DIS3L2: variants seen among roughly 807,000 people sequenced by gnomAD.
DIS3L2 encodes DIS3 like 3'-5' exoribonuclease 2, also known as DIS3-like exonuclease 2.
DIS3L2 carries 34 observed loss-of-function variants against 97.5 expected under a neutral mutation model. The ratio of observed to expected loss-of-function variants is 0.35; its 90% CI spans 0.27 to 0.46. The LOEUF (loss-of-function observed/expected upper bound fraction) is 0.46. Among genes scored for constraint, DIS3L2 ranks in the 20% least tolerant of loss-of-function variants. The pLI is 1.00. For synonymous variants in DIS3L2, 435 were observed against 445.2 expected, an observed-to-expected ratio of 0.98 and a Z score of 0.29; for missense variants, 1,038 against 1,146.0, an observed-to-expected ratio of 0.91 and a Z score of 1.36.
chr2:232,258,718 CT>C (rs1259469149), intron 12 of DIS3L2, among the ~76,000 whole-genome samples: 1 of 151,240 alleles, frequency 6.6e-6, no homozygotes, highest in Non-Finnish European at 1.5e-5. Flanking sequence ...GTCCTTTTGT[CT>C]TCTGCCACTG....
chr2:232,256,466 A>G (rs1226665493), intron 12 of DIS3L2, among the ~76,000 whole-genome samples: 1 of 152,212 alleles, frequency 6.6e-6, no homozygotes, highest in South Asian at 2.1e-4. Context: ...CCATTCTGAG[A>G]ATTGGACATT....
chr2:232,303,158 G>C (rs757424746), intron 14 of DIS3L2, among the ~76,000 whole-genome samples: 16 of 152,058 alleles, frequency 1.1e-4, no homozygotes, highest in Non-Finnish European at 1.5e-5. Flanking sequence ...TGTGCCTGCC[G>C]TTCACAGCCT....
intron 4 of DIS3L2, among the ~76,000 whole-genome samples, chr2:232,027,663 A>AGCAGGT (rs1335511633): frequency 6.6e-6 from 1 of 151,372 alleles, no homozygotes; most frequent in East Asian, 1.9e-4. Context: ...TGAATTAGTC[A>AGCAGGT]GCAGGTATAA....
At chr2:232,320,724 C>G (rs769476712) in intron 14 of DIS3L2, among the ~76,000 whole-genome samples, 33 of 152,210 alleles carry the variant, frequency 2.2e-4, no homozygotes, top group Non-Finnish European at 2.2e-4. Flanking sequence ...TTCTGTGGAG[C>G]AAACAAGCAA....
chr2:232,032,814 T>A (rs1485120170), intron 5 of DIS3L2, among the ~76,000 whole-genome samples: 1 of 152,214 alleles, frequency 6.6e-6, no homozygotes, highest in Non-Finnish European at 1.5e-5. Flanking sequence ...TGTGTGGTGT[T>A]ATTTCTGAGG....
At chr2:232,314,069 C>T (rs572685180) in intron 14 of DIS3L2, among the ~76,000 whole-genome samples, 1 of 150,706 alleles carries the variant, frequency 6.6e-6, no homozygotes, top group South Asian at 2.1e-4. Context: ...CTATCACCTG[C>T]CCCATCCCAC....
chr2:232,083,806 T>C (rs974207040), intron 5 of DIS3L2, among the ~76,000 whole-genome samples: 14 of 152,156 alleles, frequency 9.2e-5, no homozygotes, highest in African/African-American at 3.1e-4. Context: ...ATAATGTCTT[T>C]CCAGGAGACT....
chr2:232,081,744 G>C (rs1293483943), intron 5 of DIS3L2, among the ~76,000 whole-genome samples: 1 of 152,080 alleles, frequency 6.6e-6, no homozygotes, highest in Non-Finnish European at 1.5e-5. Context: ...TCCATTTCCT[G>C]CTCCAGATTT....
intron 9 of DIS3L2, among the ~76,000 whole-genome samples, chr2:232,191,615 A>G (rs1459128574): frequency 6.6e-6 from 1 of 152,218 alleles, no homozygotes; most frequent in African/African-American, 2.4e-5. Context: ...TTATATATGA[A>G]GAAATTGGCC....
At chr2:231,967,366 T>C (rs1330923877) in intron 1 of DIS3L2, among the ~76,000 whole-genome samples, 1 of 152,248 alleles carries the variant, frequency 6.6e-6, no homozygotes, top group Non-Finnish European at 1.5e-5. Context: ...GAGAAGTTTG[T>C]GGTGATTATC....
At chr2:232,237,522 T>C (rs1168797091) in intron 10 of DIS3L2, among the ~76,000 whole-genome samples, 1 of 152,210 alleles carries the variant, frequency 6.6e-6, no homozygotes, top group Non-Finnish European at 1.5e-5. Context: ...AAGGCCTTAT[T>C]TGCTGGAGCT....
exon 14 of DIS3L2, chr2:232,343,502 A>G (rs1559225930): frequency 6.4e-7 from 1 of 1,557,530 alleles, no homozygotes; most frequent in Non-Finnish European, 8.7e-7. Context: ...CTTCAGCAAC[A>G]GAGCCGTGTA....
At chr2:232,191,982 C>A (rs1444041156) in intron 9 of DIS3L2, among the ~76,000 whole-genome samples, 1 of 152,148 alleles carries the variant, frequency 6.6e-6, no homozygotes, top group Non-Finnish European at 1.5e-5. Flanking sequence ...CACCGAACAT[C>A]CCTCTCCTGT....
rs539298966 is a variant in DIS3L2, at chr2:232,343,859, A to G, written c.*284A>G. On this transcript the variant is annotated 3_prime_UTR_variant, in exon 14 of 14. Transcript: ENST00000273009. ...TTTTCCATCTCCAGAGCTTCCCTTTATGGAGCTTTCTGAGGATATTCTGAA... is the reference window on the plus strand; with the variant it reads ...TTTTCCATCTCCAGAGCTTCCCTTTGTGGAGCTTTCTGAGGATATTCTGAA... 3.4e-4 allele frequency: 119 copies of G among 353,796 alleles called. 3 individuals are homozygous for G. The South Asian group carries it at 5.4e-3, about 16-fold the overall frequency. The allele number at this position is 353,796 out of a possible 1,614,324, so 21.9% of individuals were successfully genotyped here.
chr2:232,033,295 C>T (rs962715605), intron 5 of DIS3L2, among the ~76,000 whole-genome samples: 6 of 152,056 alleles, frequency 3.9e-5, no homozygotes, highest in East Asian at 1.9e-4. Flanking sequence ...TGTATAGGAA[C>T]GCTTGTGATT....
chr2:232,078,568 C>A (rs745860250), intron 5 of DIS3L2, among the ~76,000 whole-genome samples: 4 of 152,180 alleles, frequency 2.6e-5, no homozygotes, highest in Non-Finnish European at 5.9e-5. Context: ...AACCCACATA[C>A]CCTTGTGCTT....
In DIS3L2 at chr2:232,044,271, A is replaced by C. The variant is rs565145598; in HGVS notation, c.366+14191A>C. Among the ~76,000 whole-genome samples, 12 of 152,330 alleles carry C rather than the reference A, an allele frequency of 7.9e-5. No homozygotes were observed. In the South Asian group the frequency reaches 2.1e-3, roughly 26 times the overall value. On this transcript the variant is annotated intron_variant, in intron 5 of 20. Transcript: ENST00000325385. The stretch of plus-strand genomic sequence containing the variant: ...TGGTAAGGTGTGAAGGACTTAAAGC[A>C]AAGGGGCAAAATTGGTGGGAGACTG...
intron 1 of DIS3L2, among the ~76,000 whole-genome samples, chr2:231,996,149 A>G (rs1188142336): frequency 2.0e-5 from 3 of 152,242 alleles, no homozygotes; most frequent in Non-Finnish European, 4.4e-5. Context: ...CACAATTAGA[A>G]TGTCTTTGCC....
At chr2:232,332,537 C>G (rs1019275786) in intron 16 of DIS3L2, among the ~76,000 whole-genome samples, 19 of 151,090 alleles carry the variant, frequency 1.3e-4, no homozygotes, top group Non-Finnish European at 2.2e-4. Flanking sequence ...TGACACCCAG[C>G]CCTGAAAGCT....
Sources: gnomAD v4.1 joint callset for allele counts (sites outside exome capture counted in the v4.1 genomes callset) on GRCh38, gnomAD v4.1.1 for gene constraint, MANE v1.5 for transcripts, NCBI Gene and HGNC (gene_info 2026-07-23, HGNC 2026-07-21) for gene names.